SLC24A2: variants seen among roughly 807,000 people sequenced by gnomAD.
The protein encoded by SLC24A2 is solute carrier family 24 member 2.
A neutral mutation model predicts 62.0 loss-of-function variants in SLC24A2; 36 were observed. The ratio of observed to expected loss-of-function variants is 0.58; its 90% CI spans 0.44 to 0.77. The LOEUF (loss-of-function observed/expected upper bound fraction) is 0.77, where lower values mean the gene tolerates loss of function less well. Among genes scored for constraint, SLC24A2 ranks in the 30% least tolerant of loss-of-function variants. The pLI is 0.00. For missense variants in SLC24A2, 846 were observed against 817.9 expected (o/e 1.03, Z -0.42); for synonymous variants, 358 against 294.0 (o/e 1.22, Z -2.23).
At chr9:20,034,356 A>G in the SLC24A2 span, among the ~76,000 whole-genome samples, 2 of 151,478 alleles carry the variant, frequency 1.3e-5, no homozygotes, top group South Asian at 2.1e-4. Flanking sequence ...GTGGTACTGC[A>G]TTACTTTTGC....
chr9:19,686,076 C>A (rs1819872271), intron 2 of SLC24A2, among the ~76,000 whole-genome samples: 2 of 151,900 alleles, frequency 1.3e-5, no homozygotes, highest in Admixed American at 1.3e-4. Context: ...AAGCAAAAAA[C>A]AACCCTATTA....
the SLC24A2 span, among the ~76,000 whole-genome samples, chr9:20,065,550 C>T: frequency 6.6e-6 from 1 of 152,170 alleles, no homozygotes; most frequent in Non-Finnish European, 1.5e-5. Context: ...TTAATACTTC[C>T]AGCAACACTG....
At chr9:19,691,019 T>G (rs1250475280) in intron 2 of SLC24A2, among the ~76,000 whole-genome samples, 1 of 152,058 alleles carries the variant, frequency 6.6e-6, no homozygotes, top group Admixed American at 6.6e-5. Flanking sequence ...ATATGATAAT[T>G]AGTTAAATAA....
chr9:19,890,521 G>T, the SLC24A2 span, among the ~76,000 whole-genome samples: 3 of 152,106 alleles, frequency 2.0e-5, no homozygotes, highest in African/African-American at 7.2e-5. Flanking sequence ...CTGGTTTTGT[G>T]TGTCAGCATA....
rs182845844 is a variant in SLC24A2, at chr9:19,535,338, C to A, written c.1480-7200G>T. ...TCTAATGGTAGTTCCTTTTGCTGTG[C>A]AGAAGCTCTTTAGTTTAATGAGATC... is the stretch of plus-strand genomic sequence containing the variant. On this transcript the variant is annotated intron_variant, in intron 8 of 10. Coordinates refer to ENST00000341998, the MANE Select transcript of SLC24A2 (RefSeq NM_020344.4). Among the ~76,000 whole-genome samples the A allele has an allele frequency of 3.2e-4, 48 of 152,274 alleles. No homozygotes were observed. In the East Asian group the frequency reaches 8.9e-3, roughly 28 times the overall value.
the SLC24A2 span, among the ~76,000 whole-genome samples, chr9:20,131,249 T>C: frequency 6.6e-6 from 1 of 152,104 alleles, no homozygotes; most frequent in Non-Finnish European, 1.5e-5. Flanking sequence ...CAGTAGATTA[T>C]TAATCCCATT....
At chr9:19,990,407 C>T in the SLC24A2 span, among the ~76,000 whole-genome samples, 7 of 151,754 alleles carry the variant, frequency 4.6e-5, no homozygotes, top group Non-Finnish European at 7.4e-5. Flanking sequence ...GTCAAGAGTT[C>T]GAGACCATCC....
the SLC24A2 span, among the ~76,000 whole-genome samples, chr9:19,891,660 C>T: frequency 6.6e-6 from 1 of 152,114 alleles, no homozygotes; most frequent in Non-Finnish European, 1.5e-5. Flanking sequence ...GTGGGAAGAT[C>T]GCTTGAGACC....
the SLC24A2 span, among the ~76,000 whole-genome samples, chr9:19,821,260 AT>A: frequency 1.3e-5 from 2 of 152,132 alleles, no homozygotes; most frequent in African/African-American, 4.8e-5. Context: ...CCAAAATGAA[AT>A]TTGATCACAT....
At chr9:19,784,868 C>T (rs1374871720) in intron 2 of SLC24A2, among the ~76,000 whole-genome samples, 2 of 152,142 alleles carry the variant, frequency 1.3e-5, no homozygotes, top group Non-Finnish European at 2.9e-5. Context: ...ATGAAAAGGA[C>T]GGTCATCAAA....
At chr9:19,562,814 C>G (rs904951600) in intron 7 of SLC24A2, among the ~76,000 whole-genome samples, 21 of 152,110 alleles carry the variant, frequency 1.4e-4, no homozygotes, top group African/African-American at 5.1e-4. Context: ...CTTGAAAAAT[C>G]CAATCTAGGC....
chr9:19,841,954 G>A, the SLC24A2 span, among the ~76,000 whole-genome samples: 10 of 152,284 alleles, frequency 6.6e-5, no homozygotes, highest in South Asian at 2.1e-3. Flanking sequence ...TTCTCCTTAT[G>A]AAGAATTATC....
At chr9:20,300,398 G>T in the SLC24A2 span, among the ~76,000 whole-genome samples, 3 of 152,078 alleles carry the variant, frequency 2.0e-5, no homozygotes, top group South Asian at 6.2e-4. Context: ...CTATAAAATG[G>T]CCTTGTCAAA....
chr9:20,070,151 C>T, the SLC24A2 span, among the ~76,000 whole-genome samples: 1 of 152,104 alleles, frequency 6.6e-6, no homozygotes, highest in South Asian at 2.1e-4. Context: ...GAAACAACTT[C>T]TTAGTCTCCG....
At chr9:19,709,693 C>T (rs4436202) in intron 2 of SLC24A2, among the ~76,000 whole-genome samples, 60,894 of 142,626 alleles carry the variant, frequency 0.43, 14,103 homozygotes, top group African/African-American at 0.66. Flanking sequence ...CTCATAGGTG[C>T]TGAACAATGA....
chr9:20,105,323 G>A, the SLC24A2 span, among the ~76,000 whole-genome samples: 4 of 151,322 alleles, frequency 2.6e-5, no homozygotes, highest in Admixed American at 6.6e-5. Context: ...CCCAGGAATC[G>A]AACTCAGCTT....
At chr9:20,180,073 AC>A in the SLC24A2 span, among the ~76,000 whole-genome samples, 1 of 152,198 alleles carries the variant, frequency 6.6e-6, no homozygotes, top group African/African-American at 2.4e-5. Flanking sequence ...AAATCAACAT[AC>A]ACAAAATCTA....
intron 2 of SLC24A2, among the ~76,000 whole-genome samples, chr9:19,647,731 A>T (rs1394148293): frequency 6.6e-6 from 1 of 152,206 alleles, no homozygotes; most frequent in African/African-American, 2.4e-5. Context: ...TTATATTTCA[A>T]TTGTTAATGC....
chr9:19,996,367 C>T, the SLC24A2 span, among the ~76,000 whole-genome samples: 1 of 152,050 alleles, frequency 6.6e-6, no homozygotes, highest in Non-Finnish European at 1.5e-5. Context: ...ATATTTGAGT[C>T]GATTATGTGT....
Sources: gnomAD v4.1 joint callset for allele counts (sites outside exome capture counted in the v4.1 genomes callset) on GRCh38, gnomAD v4.1.1 for gene constraint, MANE v1.5 for transcripts, NCBI Gene and HGNC (gene_info 2026-07-23, HGNC 2026-07-21) for gene names.